PTPN5: variants seen among roughly 807,000 people sequenced by gnomAD.
PTPN5 encodes tyrosine-protein phosphatase non-receptor type 5.
PTPN5 carries 29 observed loss-of-function variants against 73.9 expected under a neutral mutation model. That is an observed-to-expected ratio of 0.39 (90% CI 0.29 to 0.54). The LOEUF (loss-of-function observed/expected upper bound fraction) is 0.54, where lower values mean the gene tolerates loss of function less well. PTPN5 is among the 20% of genes least tolerant of loss of function. The pLI, the probability that PTPN5 is intolerant of heterozygous loss-of-function variation, is 0.65. For missense variants in PTPN5, 652 were observed against 751.4 expected, an observed-to-expected ratio of 0.87 and a Z score of 1.55; for synonymous variants, 267 against 304.7, an observed-to-expected ratio of 0.88 and a Z score of 1.29.
chr11:18,762,523 G>A (rs556807755), intron 3 of PTPN5, among the ~76,000 whole-genome samples: 15 of 152,110 alleles, frequency 9.9e-5, no homozygotes, highest in African/African-American at 2.6e-4. Context: ...CAAATTCAAT[G>A]TGAATTTACC....
chr11:18,763,433 T>G (rs1185540566), intron 3 of PTPN5, among the ~76,000 whole-genome samples: 1 of 152,218 alleles, frequency 6.6e-6, no homozygotes, highest in East Asian at 1.9e-4. Flanking sequence ...CTAAGCTCCC[T>G]GGGCCTTGGT....
At chr11:18,780,775 C>T (rs1040848684) in intron 1 of PTPN5, among the ~76,000 whole-genome samples, 13 of 152,128 alleles carry the variant, frequency 8.5e-5, no homozygotes, top group Admixed American at 1.3e-4. Flanking sequence ...AGGGATAAAA[C>T]CCCCTCTTTA....
At chr11:18,781,160 C>T (rs35763160) in intron 1 of PTPN5, among the ~76,000 whole-genome samples, 37,078 of 151,770 alleles carry the variant, frequency 0.24, 5,169 homozygotes, top group Middle Eastern at 0.35. Context: ...GGCCCCGCCC[C>T]GGCCCCCTTG....
At chr11:18,790,598 C>CT (rs947126382) in intron 1 of PTPN5, among the ~76,000 whole-genome samples, 8 of 152,072 alleles carry the variant, frequency 5.3e-5, no homozygotes, top group African/African-American at 1.7e-4. Flanking sequence ...CCCCTCTCCC[C>CT]TTTTTTTGGT....
intron 3 of PTPN5, among the ~76,000 whole-genome samples, chr11:18,748,402 A>AT (rs772759592): frequency 1.6e-4 from 25 of 152,136 alleles, no homozygotes; most frequent in Non-Finnish European, 3.4e-4. Flanking sequence ...GAGGCTTACA[A>AT]TTTTTTTAAG....
At chr11:18,776,343 G>C (rs1200192143) in intron 1 of PTPN5, among the ~76,000 whole-genome samples, 1 of 151,904 alleles carries the variant, frequency 6.6e-6, no homozygotes, top group Non-Finnish European at 1.5e-5. Flanking sequence ...TTAAGACTCT[G>C]TTCAAATGTC....
intron 1 of PTPN5, among the ~76,000 whole-genome samples, chr11:18,780,842 GCT>G (rs1339390630): frequency 6.6e-6 from 1 of 152,152 alleles, no homozygotes; most frequent in Non-Finnish European, 1.5e-5. Context: ...GGCAGGTCCA[GCT>G]CTTTCCTTTA....
chr11:18,783,953 CCTCTTCT>C (rs1036044611), intron 1 of PTPN5, among the ~76,000 whole-genome samples: 1 of 152,070 alleles, frequency 6.6e-6, no homozygotes, highest in Non-Finnish European at 1.5e-5. Context: ...TATTCTGTTC[CCTCTTCT>C]CTCTTCTCTG....
intron 1 of PTPN5, among the ~76,000 whole-genome samples, chr11:18,785,495 TG>T (rs1851627684): frequency 6.6e-6 from 1 of 152,238 alleles, no homozygotes; most frequent in South Asian, 2.1e-4. Flanking sequence ...TATAAAATGA[TG>T]GTTCATCTTA....
At chr11:18,751,014 C>A (rs1453886676) in intron 3 of PTPN5, among the ~76,000 whole-genome samples, 4 of 152,164 alleles carry the variant, frequency 2.6e-5, no homozygotes. Flanking sequence ...AAAGGAGGTA[C>A]TGCTAGAGGA....
rs1478563461 is a variant in PTPN5, at chr11:18,743,353, A to G, written c.368T>C (p.Leu123Ser). Residue 123 changes from leucine to serine, a missense_variant, in exon 5 of 15, where the codon TTG (leucine) becomes TCG (serine). This residue lies in a region of PTPN5 where 529 missense variants were observed against 573.9 expected (regional missense o/e 0.92). Transcript: ENST00000358540. ...TTCCAGCTGTTTCAGGAGCGTCAGC[A>G]AAGAGGAGACGAGGTTTGTGGCGTT... ...SQNATNLVSS[L>S]LTLLKQLEPT... is the part of the protein sequence containing the mutation. The G allele has an allele frequency of 8.1e-6, 13 of 1,614,048 alleles. No homozygotes were observed. Among genetic ancestry groups the G allele is most frequent in the Non-Finnish European group, 1.1e-5 (13 of 1,180,038 alleles).
At position 18,743,015 on chromosome 11, in the gene PTPN5, C is replaced by T. The variant is rs143962070; in HGVS notation, c.460G>A (p.Gly154Ser). Residue 154 changes from glycine to serine, a missense_variant, in exon 6 of 15, where the codon GGC (glycine) becomes AGC (serine). By Grantham distance (56) the Gly-to-Ser change is moderately conservative. Transcript: ENST00000358540. ...ACCAGGGTGGTAACGAGGACCAGGCCCACGGACAGAAAGACCAGCAGCAGA... is the reference window on the plus strand; with the variant it reads ...ACCAGGGTGGTAACGAGGACCAGGCTCACGGACAGAAAGACCAGCAGCAGA... ...PSLLLVFLSV[G>S]LVLVTTLVWH... The T allele has an allele frequency of 5.8e-6, 9 of 1,551,586 alleles. No individual in the cohort carries two copies. Among genetic ancestry groups the T allele is most frequent in the Middle Eastern group, 3.3e-4 (2 of 6,008 alleles).
rs769658284 is a variant in PTPN5 at position 18,765,846 on chromosome 11, C to G, written c.58G>C (p.Gly20Arg). The G allele has an allele frequency of 3.8e-6, 6 of 1,583,070 alleles. No individual in the cohort carries two copies. The highest frequency in any genetic ancestry group is 1.8e-5 in the Admixed American group (1 of 55,514). The change falls in exon 3 of 15, where the codon GGA becomes CGA. Residue 20 changes from glycine (G) to arginine (R), a missense_variant. Gly to Arg is a moderately radical substitution (Grantham distance 125). This residue lies in a region of PTPN5 where 529 missense variants were observed against 573.9 expected (regional missense o/e 0.92). Transcript: ENST00000358540. ...CTGCAGCACATGTCCAGGGCCCCTC[C>G]CTCGGAGTCATCAGCAGCGTGGTTC... ...RENHAADDSE[G>R]GALDMCCSER... is the part of the protein sequence containing the mutation.
At chr11:18,743,939 G>A (rs974214177) in intron 4 of PTPN5, 67 bp downstream of exon 4, 24 of 1,502,664 alleles carry the variant, frequency 1.6e-5, no homozygotes, top group Middle Eastern at 1.9e-4. Flanking sequence ...ATCCTGGGGA[G>A]GAAGTGGGAG....
chr11:18,792,124 G>A (rs1289325847), upstream of PTPN5: 1 of 152,368 alleles, frequency 6.6e-6, no homozygotes, highest in Non-Finnish European at 1.5e-5. Flanking sequence ...GGGAGCCCCG[G>A]GTCGGGCCGC....
At chr11:18,775,022 C>T (rs1851078790) in intron 1 of PTPN5, among the ~76,000 whole-genome samples, 1 of 152,212 alleles carries the variant, frequency 6.6e-6, no homozygotes, top group Non-Finnish European at 1.5e-5. Context: ...TGCACCCGGA[C>T]CACACAGGCC....
Position 18,728,754 on chromosome 11 carries a change from A to C in PTPN5, c.*180T>G. On this transcript the variant is annotated 3_prime_UTR_variant, in exon 15 of 15. Coordinates refer to ENST00000358540, the MANE Select transcript of PTPN5 (RefSeq NM_006906.2). The surrounding 1 kb of genome is among the most constrained non-coding windows in gnomAD (Gnocchi z 4.1). The stretch of plus-strand genomic sequence containing the variant: ...TCCCGACCCTGCCCCCCACTCCCCA[A>C]TATGTACAGTAGGAAGAGCAATGCT... 1.8e-6 allele frequency: 1 copy of C among 570,834 alleles called. No homozygotes were observed. 35.4% of individuals were successfully genotyped at this position (570,834 alleles called of 1,614,324 possible).
At chr11:18,764,632 G>A (rs984021561) in intron 3 of PTPN5, among the ~76,000 whole-genome samples, 6 of 152,206 alleles carry the variant, frequency 3.9e-5, no homozygotes, top group African/African-American at 1.4e-4. Flanking sequence ...AAGGTTCCTT[G>A]CCAATCATGA....
At chr11:18,788,869 A>G (rs1035103678) in intron 1 of PTPN5, among the ~76,000 whole-genome samples, 2 of 152,246 alleles carry the variant, frequency 1.3e-5, no homozygotes, top group African/African-American at 2.4e-5. Context: ...GGATGATAAC[A>G]CTATTGTCAC....
Sources: allele counts gnomAD v4.1 joint callset (sites outside exome capture counted in the v4.1 genomes callset), GRCh38; gene constraint gnomAD v4.1.1; regional missense constraint gnomAD v4.1.1; non-coding constraint Gnocchi (gnomAD v3.1); transcripts MANE v1.5; gene names NCBI Gene and HGNC (gene_info 2026-07-23, HGNC 2026-07-21).